The following SPATA7 variants were observed in gnomAD, a reference collection of about 807,000 sequenced individuals.
SPATA7 encodes spermatogenesis-associated protein 7.
A neutral mutation model predicts 51.8 loss-of-function variants in SPATA7; 43 were observed. The ratio of observed to expected loss-of-function variants is 0.83; its 90% CI spans 0.65 to 1.07. SPATA7 has a LOEUF of 1.07. Among genes scored for constraint, SPATA7 ranks in the 50% least tolerant of loss-of-function variants. The pLI, the probability that SPATA7 is intolerant of heterozygous loss-of-function variation, is 0.00. For missense variants in SPATA7, 683 were observed against 701.3 expected, an observed-to-expected ratio of 0.97 and a Z score of 0.30; for synonymous variants, 230 against 252.8, an observed-to-expected ratio of 0.91 and a Z score of 0.86.
chr14:88,426,120 C>T (rs1239289676), intron 5 of SPATA7, 112 bp from the exon 6 acceptor site: 1 of 749,828 alleles, frequency 1.3e-6, no homozygotes, highest in Non-Finnish European at 2.3e-6. Context: ...AGGAACATAT[C>T]AGTTAATTTT....
At chr14:88,468,108 T>A in intron 4 of SPATA7, 1 of 1,612,464 alleles carries the variant, frequency 6.2e-7, no homozygotes. Flanking sequence ...ACGCTTCACA[T>A]GACTGGCCCC....
chr14:88,413,196 T>C (rs2139948591), intron 4 of SPATA7, among the ~76,000 whole-genome samples: 1 of 152,328 alleles, frequency 6.6e-6, no homozygotes, highest in South Asian at 2.1e-4. Context: ...GGAATGTTTT[T>C]CCGTTTGTGT....
At chr14:88,458,755 T>A (rs983096840), downstream of SPATA7, among the ~76,000 whole-genome samples, 3 of 152,218 alleles carry the variant, frequency 2.0e-5, no homozygotes, top group Non-Finnish European at 4.4e-5. Context: ...ATTTCTTGCC[T>A]TCTGCTAGCT....
At chr14:88,468,236 C>A (rs149555095) in intron 4 of SPATA7, 1 of 1,610,278 alleles carries the variant, frequency 6.2e-7, no homozygotes, top group Non-Finnish European at 8.5e-7. Context: ...GTTGCCTCAG[C>A]ATGTCCAGCA....
chr14:88,469,055 G>C lies in SPATA7; in HGVS notation c.255-792G>C. On this transcript the variant is annotated intron_variant, in intron 4 of 4. Coordinates refer to the SPATA7 transcript ENST00000556406. The surrounding 1 kb of genome is among the most constrained non-coding windows in gnomAD (Gnocchi z 4.3). ...TGTGCTATTTGTATGGCGTCGAACA[G>C]ACTGGATCTCTTCAAGATATGCTGT... The C allele has an allele frequency of 1.2e-6, 2 of 1,613,312 alleles. No individual in the cohort carries two copies.
intron 4 of SPATA7, among the ~76,000 whole-genome samples, chr14:88,408,908 G>A (rs2076266631): frequency 6.6e-6 from 1 of 152,148 alleles, no homozygotes; most frequent in Non-Finnish European, 1.5e-5. Flanking sequence ...GATGAATTAT[G>A]TTTATTGATT....
chr14:88,427,978 C>G, intron 7 of SPATA7: 3 of 291,354 alleles, frequency 1.0e-5, no homozygotes, highest in Non-Finnish European at 2.0e-5. Flanking sequence ...AGTAAAATAC[C>G]TTAAGTATTG....
In SPATA7 at chr14:88,469,216, A is replaced by C. The variant is rs2140077981; in HGVS notation, c.255-631A>C. 1 of 923,096 alleles carries C rather than the reference A, an allele frequency of 1.1e-6. No homozygotes were observed. The highest frequency in any genetic ancestry group is 1.6e-6 in the Non-Finnish European group (1 of 624,042). The allele number at this position is 923,096 out of a possible 1,614,324, so 57.2% of individuals were successfully genotyped here. ...GTGCCAGTGAACCAAACCCAACCACAAAGGGACAGTGTGACCCTGAGCAAG... is the reference window on the plus strand; with the variant it reads ...GTGCCAGTGAACCAAACCCAACCACCAAGGGACAGTGTGACCCTGAGCAAG... On this transcript the variant is annotated intron_variant, in intron 4 of 4. Coordinates refer to the SPATA7 transcript ENST00000556406. This position sits in a 1 kb window ranked among gnomAD's most constrained non-coding sequence, Gnocchi z 4.3.
chr14:88,469,546 G>C lies in SPATA7; in HGVS notation c.255-301G>C. 2 of 1,614,168 alleles carry C rather than the reference G, an allele frequency of 1.2e-6. No individual in the cohort carries two copies. Among genetic ancestry groups the C allele is most frequent in the East Asian group, 2.2e-5 (1 of 44,886 alleles). ...TGGACAGCCATGTTCAGGCCAGTCT[G>C]TGTATTGGAGGTGCCAGACGGTCCT... On this transcript the variant is annotated intron_variant, in intron 4 of 4. Coordinates refer to the SPATA7 transcript ENST00000556406. The surrounding 1 kb of genome is among the most constrained non-coding windows in gnomAD (Gnocchi z 4.3).
chr14:88,414,692 T>G (rs2076427926), intron 4 of SPATA7: 1 of 409,618 alleles, frequency 2.4e-6, no homozygotes. Context: ...CACTGTAAAC[T>G]TGCCTCTTAA....
At chr14:88,401,836 CA>C (rs57942112) in intron 4 of SPATA7, among the ~76,000 whole-genome samples, 3,680 of 33,162 alleles carry the variant, frequency 0.11, 33 homozygotes, top group South Asian at 0.2. Flanking sequence ...GACCCTGTCT[CA>C]AAAAAAAAAA....
chr14:88,454,169 C>T (rs1165228138), intron 3 of SPATA7, among the ~76,000 whole-genome samples: 2 of 152,196 alleles, frequency 1.3e-5, no homozygotes, highest in African/African-American at 4.8e-5. Context: ...CAAGCTATTG[C>T]TGGAGCCACA....
At chr14:88,468,034 C>T in intron 4 of SPATA7, 1 of 1,417,016 alleles carries the variant, frequency 7.1e-7, no homozygotes, top group Admixed American at 1.9e-5. Flanking sequence ...CAGTGCCACG[C>T]TGCGTGGATC....
chr14:88,428,537 A>G (rs1193256950), intron 7 of SPATA7: 2 of 152,184 alleles, frequency 1.3e-5, no homozygotes, highest in Non-Finnish European at 2.9e-5. Context: ...GAAAAACTGT[A>G]CTTAACTTGC....
At chr14:88,405,778 G>A (rs1206759221) in intron 4 of SPATA7, among the ~76,000 whole-genome samples, 1 of 152,204 alleles carries the variant, frequency 6.6e-6, no homozygotes, top group Non-Finnish European at 1.5e-5. Context: ...CCCTTAGGAG[G>A]CAGTTGGAGT....
chr14:88,460,038 C>A (rs965324919), downstream of SPATA7, among the ~76,000 whole-genome samples: 1 of 152,240 alleles, frequency 6.6e-6, no homozygotes, highest in Admixed American at 6.5e-5. Flanking sequence ...GAATATTGGC[C>A]CCCACTCTCT....
At chr14:88,467,973 T>G in intron 4 of SPATA7, 1 of 924,404 alleles carries the variant, frequency 1.1e-6, no homozygotes, top group Non-Finnish European at 1.7e-6. Flanking sequence ...CAGCCTGTGC[T>G]TCGCACGTTT....
chr14:88,425,022 TAA>T (rs1434765336), intron 5 of SPATA7, among the ~76,000 whole-genome samples: 1 of 152,158 alleles, frequency 6.6e-6, no homozygotes, highest in Admixed American at 6.5e-5. Flanking sequence ...AATTTTCAAA[TAA>T]GTTTTTAAGT....
At chr14:88,408,752 A>C (rs547766274) in intron 4 of SPATA7, among the ~76,000 whole-genome samples, 33 of 152,238 alleles carry the variant, frequency 2.2e-4, no homozygotes, top group African/African-American at 7.2e-4. Context: ...GTTTGTCATA[A>C]ATAGCTCTTA....
Sources: gnomAD v4.1 joint callset for allele counts (sites outside exome capture counted in the v4.1 genomes callset) on GRCh38, gnomAD v4.1.1 for gene constraint, Gnocchi (gnomAD v3.1) non-coding constraint, MANE v1.5 for transcripts, NCBI Gene and HGNC (gene_info 2026-07-23, HGNC 2026-07-21) for gene names.